CAPS2: variants seen among roughly 807,000 people sequenced by gnomAD.
CAPS2 encodes the protein calcyphosine 2.
In CAPS2, 98 loss-of-function variants were observed where a neutral mutation model predicts 86.5. The ratio of observed to expected loss-of-function variants is 1.13; its 90% confidence interval spans 0.96 to 1.34. The LOEUF (loss-of-function observed/expected upper bound fraction) is 1.34. Among genes scored for constraint, CAPS2 ranks in the 40% most tolerant of loss-of-function variants. The pLI, the probability that CAPS2 is intolerant of heterozygous loss-of-function variation, is 0.00. For synonymous variants in CAPS2, 210 were observed against 225.1 expected (o/e 0.93, Z 0.60); for missense variants, 729 against 686.8 (o/e 1.06, Z -0.69).
intron 1 of CAPS2, chr12:75,343,945 A>G: frequency 1.3e-6 from 2 of 1,592,636 alleles, no homozygotes; most frequent in Non-Finnish European, 1.7e-6. Context: ...ACAGGTAAAT[A>G]TTTGACATCT....
chr12:75,295,380 A>T (rs891684578), intron 11 of CAPS2, among the ~76,000 whole-genome samples: 1 of 152,224 alleles, frequency 6.6e-6, no homozygotes, highest in African/African-American at 2.4e-5. Context: ...AACTGTCAGT[A>T]TGATGGAAAT....
At chr12:75,358,856 T>C (rs938965873) in intron 1 of CAPS2, among the ~76,000 whole-genome samples, 6 of 134,618 alleles carry the variant, frequency 4.5e-5, no homozygotes, top group East Asian at 4.2e-4. Context: ...ATATTATATA[T>C]GGTTTAAACA....
chr12:75,384,720 A>G (rs943503039), intron 1 of CAPS2, among the ~76,000 whole-genome samples: 1 of 152,224 alleles, frequency 6.6e-6, no homozygotes, highest in African/African-American at 2.4e-5. Flanking sequence ...CTACAGACCA[A>G]CGTCTCTCAT....
In CAPS2 at chr12:75,299,900, T is replaced by C. The variant is rs373936180; in HGVS notation, c.791A>G (p.His264Arg). The C allele has an allele frequency of 4.1e-6, 6 of 1,460,010 alleles. No individual in the cohort carries two copies. In the African/African-American group the frequency reaches 8.5e-5, roughly 21 times the overall value. 90.4% of individuals were successfully genotyped at this position (1,460,010 alleles called of 1,614,324 possible). A position where few individuals can be genotyped will look rare whatever the true frequency, so the allele number is the denominator to read the frequency against. ...AAGCACATTTTCAGTTAATGTAGAA[T>C]GAGTTCTTATCCTGTTAAGAAATAC... Residue 264 changes from histidine to arginine, a missense_variant, in exon 9 of 17, where the codon CAT becomes CGT. His to Arg is a conservative substitution (Grantham distance 29). Coordinates refer to ENST00000393284, the Ensembl canonical transcript of CAPS2.
In CAPS2 at chr12:75,316,405, A is replaced by G. The variant is rs1372907102; in HGVS notation, c.498T>C (p.Asp166=). 3.9e-6 allele frequency: 6 copies of G among 1,550,492 alleles called. No individual in the cohort carries two copies. The East Asian group carries it at 1.5e-4, about 38-fold the overall frequency. ...CTTTCCTATCCAGAGTCGTAAGGTC[A>G]TCTGTGTTGGCTTCTTCATCTTGCA... The change falls in exon 6 of 17, where the codon GAT becomes GAC. Residue 166 remains aspartate (D), a synonymous_variant. Transcript: ENST00000393284.
chr12:75,380,001 A>G (rs1206844615), intron 1 of CAPS2, among the ~76,000 whole-genome samples: 1 of 152,178 alleles, frequency 6.6e-6, no homozygotes, highest in East Asian at 1.9e-4. Flanking sequence ...GATTAAATCA[A>G]AAGGTACTAT....
At chr12:75,348,654 A>C (rs2042606502) in intron 1 of CAPS2, among the ~76,000 whole-genome samples, 1 of 152,220 alleles carries the variant, frequency 6.6e-6, no homozygotes, top group African/African-American at 2.4e-5. Flanking sequence ...GCTTTGAATA[A>C]GTCAGGTTTT....
At chr12:75,326,154 TC>T (rs1222955111) in intron 1 of CAPS2, among the ~76,000 whole-genome samples, 1 of 152,120 alleles carries the variant, frequency 6.6e-6, no homozygotes, top group Non-Finnish European at 1.5e-5. Context: ...CTACTATTTT[TC>T]TTTTTTTATA....
At chr12:75,379,100 A>G (rs2044816892) in intron 1 of CAPS2, among the ~76,000 whole-genome samples, 1 of 152,194 alleles carries the variant, frequency 6.6e-6, no homozygotes, top group South Asian at 2.1e-4. Context: ...CTGATTTTTA[A>G]TATAATTACT....
chr12:75,289,441 T>G (rs564024977), intron 14 of CAPS2, among the ~76,000 whole-genome samples, 180 bp downstream of exon 14: 2 of 152,306 alleles, frequency 1.3e-5, no homozygotes, highest in South Asian at 4.1e-4. Flanking sequence ...TTTATAAATA[T>G]AGGATGGAGC....
chr12:75,325,811 G>T (rs556398518), intron 1 of CAPS2, among the ~76,000 whole-genome samples: 13 of 151,968 alleles, frequency 8.6e-5, no homozygotes, highest in Admixed American at 4.6e-4. Flanking sequence ...AGTGTGAGGG[G>T]GGGTAGGGCC....
At chr12:75,283,561 C>A (rs2034346743) in intron 15 of CAPS2, among the ~76,000 whole-genome samples, 1 of 152,090 alleles carries the variant, frequency 6.6e-6, no homozygotes, top group Admixed American at 6.6e-5. Flanking sequence ...CCTGTAATCC[C>A]AGCACTTTGG....
intron 1 of CAPS2, chr12:75,344,029 T>C: frequency 9.3e-7 from 1 of 1,075,084 alleles, no homozygotes; most frequent in South Asian, 1.7e-5. Context: ...TGCCTTTATT[T>C]TTCTGGCTGC....
intron 1 of CAPS2, among the ~76,000 whole-genome samples, chr12:75,336,175 T>C (rs1316212961): frequency 1.3e-5 from 2 of 151,934 alleles, no homozygotes; most frequent in Non-Finnish European, 2.9e-5. Context: ...TAAGAATGCA[T>C]ATTTTAATAT....
At chr12:75,299,349 A>G (rs11180450) in intron 9 of CAPS2, among the ~76,000 whole-genome samples, 27,150 of 152,128 alleles carry the variant, frequency 0.18, 2,811 homozygotes, top group South Asian at 0.37. Context: ...AAACAAATAA[A>G]ATAATTTAAA....
In CAPS2 at chr12:75,298,935, C is replaced by CA. The variant is rs755635396; in HGVS notation, c.885dup (p.Gly296TrpfsTer7). On this transcript the variant is annotated frameshift_variant, in exon 10 of 17. Coordinates refer to ENST00000393284, the Ensembl canonical transcript of CAPS2. LOFTEE classifies it high-confidence loss of function. ...GATTGGTCATGAGTGAAAAAGAACC[C>CA]AATGAGCTCTCTGCAAGCATCACGT... The CA allele has an allele frequency of 1.1e-5, 18 of 1,607,474 alleles. No individual in the cohort carries two copies. The Admixed American group carries it at 3.1e-4, about 27-fold the overall frequency.
At chr12:75,312,780 T>A in intron 7 of CAPS2, 68 bp downstream of exon 7, 1 of 927,156 alleles carries the variant, frequency 1.1e-6, no homozygotes, top group South Asian at 1.3e-5. Flanking sequence ...GATATGAATG[T>A]CATGCATGAA....
chr12:75,278,318 G>A, exon 17 of CAPS2: 1 of 983,876 alleles, frequency 1.0e-6, no homozygotes, highest in Non-Finnish European at 1.2e-6. Context: ...TCCATCATTT[G>A]AAATATTCTA....
At chr12:75,298,614 T>G in intron 11 of CAPS2, 73 bp downstream of exon 11, 1 of 1,116,338 alleles carries the variant, frequency 9.0e-7, no homozygotes, top group Admixed American at 1.8e-5. Context: ...GAAGCCCTAC[T>G]CCTCCACCTC....
Sources: allele counts gnomAD v4.1 joint callset (sites outside exome capture counted in the v4.1 genomes callset), GRCh38; gene constraint gnomAD v4.1.1; transcripts MANE v1.5; gene names NCBI Gene and HGNC (gene_info 2026-07-23, HGNC 2026-07-21).